ATAD2B: variants seen among roughly 807,000 people sequenced by gnomAD.
ATAD2B encodes ATPase family AAA domain-containing protein 2B.
In ATAD2B, 40 loss-of-function variants were observed where a neutral mutation model predicts 167.6. The ratio of observed to expected loss-of-function variants is 0.24; its 90% confidence interval spans 0.19 to 0.31. ATAD2B has a LOEUF of 0.31. Ranked by LOEUF, ATAD2B falls within the 10% of genes least tolerant of loss-of-function variation. The pLI, the probability that ATAD2B is intolerant of heterozygous loss-of-function variation, is 1.00. For missense variants in ATAD2B, 1,242 were observed against 1,757.2 expected (o/e 0.71, Z 5.24); for synonymous variants, 579 against 596.5 (o/e 0.97, Z 0.43).
At chr2:23,748,206 G>C (rs912289063), downstream of ATAD2B, among the ~76,000 whole-genome samples, 2 of 152,114 alleles carry the variant, frequency 1.3e-5, no homozygotes, top group Non-Finnish European at 2.9e-5. Context: ...AGGAAAAATA[G>C]GTATTCTGAA....
chr2:23,680,038 C>T, the ATAD2B span, among the ~76,000 whole-genome samples: 1 of 152,138 alleles, frequency 6.6e-6, no homozygotes, highest in East Asian at 1.9e-4. This position sits in a 1 kb window ranked among gnomAD's most constrained non-coding sequence, Gnocchi z 4.1. Flanking sequence ...GCCCCTTCAG[C>T]CCCGAAGGAT....
At chr2:23,857,664 T>C (rs1159445588) in intron 12 of ATAD2B, among the ~76,000 whole-genome samples, 161 bp from the exon 13 acceptor site, 1 of 151,972 alleles carries the variant, frequency 6.6e-6, no homozygotes, top group East Asian at 1.9e-4. Context: ...CCAACAACCA[T>C]GTCTCCTCCA....
rs190955076 is a variant in ATAD2B at position 23,819,087 on chromosome 2, T to G, written c.2267+660A>C. ...TTCCAGATCATGGCAAATATTTCATTTCTGCCCATTTTAGTTTAAAGAAAA... is the reference window on the plus strand; with the variant it reads ...TTCCAGATCATGGCAAATATTTCATGTCTGCCCATTTTAGTTTAAAGAAAA... On this transcript the variant is annotated intron_variant, in intron 17 of 27. Coordinates refer to ENST00000238789, the MANE Select transcript of ATAD2B (RefSeq NM_017552.4). Among the ~76,000 whole-genome samples, 892 of 152,300 alleles carry G rather than the reference T, an allele frequency of 5.9e-3. 6 individuals carry two copies. The highest frequency in any genetic ancestry group is 7.4e-3 in the Non-Finnish European group (502 of 68,026).
At chr2:23,901,063 G>C (rs1171321062) in intron 1 of ATAD2B, 1 of 152,902 alleles carries the variant, frequency 6.5e-6, no homozygotes, top group Non-Finnish European at 1.5e-5. Flanking sequence ...TCACCGACTG[G>C]CTCAATATTA....
chr2:23,757,362 A>T, intron 25 of ATAD2B, 56 bp downstream of exon 25: 1 of 1,310,278 alleles, frequency 7.6e-7, no homozygotes, highest in Middle Eastern at 1.9e-4. Context: ...TAAAATACAC[A>T]ACGAATTAAC....
At chr2:23,684,303 C>A in the ATAD2B span, 1 of 918,698 alleles carries the variant, frequency 1.1e-6, no homozygotes, top group Non-Finnish European at 1.5e-6. The surrounding 1 kb of genome is among the most constrained non-coding windows in gnomAD (Gnocchi z 4.4). Flanking sequence ...TTTCCTATTT[C>A]TCTACTTCTT....
At chr2:23,832,169 G>T (rs1269429982) in intron 14 of ATAD2B, 1 of 460,530 alleles carries the variant, frequency 2.2e-6, no homozygotes. Flanking sequence ...TCTTCACTTG[G>T]CTACCAGAAC....
At chr2:23,839,545 G>A (rs374908290) in intron 13 of ATAD2B, among the ~76,000 whole-genome samples, 3 of 152,052 alleles carry the variant, frequency 2.0e-5, no homozygotes, top group South Asian at 2.1e-4. Context: ...AACATTAACT[G>A]ACTTCCCTCA....
downstream of ATAD2B, among the ~76,000 whole-genome samples, chr2:23,747,238 AACTT>A (rs1270410227): frequency 6.6e-6 from 1 of 152,006 alleles, no homozygotes; most frequent in Non-Finnish European, 1.5e-5. Flanking sequence ...TTTACATAGT[AACTT>A]ACTATGTAAT....
At chr2:23,801,591 A>G (rs1423895866) in intron 18 of ATAD2B, among the ~76,000 whole-genome samples, 1 of 152,112 alleles carries the variant, frequency 6.6e-6, no homozygotes, top group Non-Finnish European at 1.5e-5. Context: ...CACAAGTAAA[A>G]TGAACAAATA....
chr2:23,807,938 TATAA>T (rs1177679257), intron 18 of ATAD2B, among the ~76,000 whole-genome samples: 8 of 127,356 alleles, frequency 6.3e-5, no homozygotes, highest in Non-Finnish European at 1.1e-4. Context: ...TTATAATATA[TATAA>T]ATATATAAAT....
chr2:23,796,329 C>G (rs1335975057), intron 19 of ATAD2B, among the ~76,000 whole-genome samples: 1 of 152,088 alleles, frequency 6.6e-6, no homozygotes, highest in Non-Finnish European at 1.5e-5. Flanking sequence ...TAAATAAATA[C>G]TGAAAAAGGT....
intron 25 of ATAD2B, among the ~76,000 whole-genome samples, chr2:23,755,424 A>G (rs1049203068): frequency 2.6e-5 from 4 of 152,162 alleles, no homozygotes; most frequent in African/African-American, 9.6e-5. Flanking sequence ...CACTAAACAA[A>G]CAGAAATTTT....
At chr2:23,923,973 G>C (rs1351305369) in intron 1 of ATAD2B, among the ~76,000 whole-genome samples, 1 of 152,182 alleles carries the variant, frequency 6.6e-6, no homozygotes, top group African/African-American at 2.4e-5. Context: ...ACGAGGTCAG[G>C]AGATCGACAC....
chr2:23,681,084 C>A, the ATAD2B span, among the ~76,000 whole-genome samples: 1 of 152,192 alleles, frequency 6.6e-6, no homozygotes, highest in Admixed American at 6.5e-5. This position sits in a 1 kb window ranked among gnomAD's most constrained non-coding sequence, Gnocchi z 4.2. Context: ...CTGGTGTCCC[C>A]TTGTGGATTC....
chr2:23,753,177 G>A (rs1285484884), intron 27 of ATAD2B, among the ~76,000 whole-genome samples: 4 of 151,988 alleles, frequency 2.6e-5, no homozygotes, highest in Non-Finnish European at 4.4e-5. Context: ...ATCATCATCC[G>A]ATCAACAAGT....
At chr2:23,823,125 G>T in intron 16 of ATAD2B, 133 bp downstream of exon 16, 1 of 783,464 alleles carries the variant, frequency 1.3e-6, no homozygotes, top group Non-Finnish European at 2.0e-6. Flanking sequence ...CAATATGCCA[G>T]GCCTGGAATA....
At chr2:23,773,085 A>G (rs1678580668) in intron 22 of ATAD2B, among the ~76,000 whole-genome samples, 2 of 152,162 alleles carry the variant, frequency 1.3e-5, no homozygotes, top group East Asian at 1.9e-4. Context: ...ATTCTTTTCA[A>G]TCATTGTTTA....
At chr2:23,767,618 G>A (rs1176890783) in intron 22 of ATAD2B, among the ~76,000 whole-genome samples, 2 of 152,334 alleles carry the variant, frequency 1.3e-5, no homozygotes, top group East Asian at 3.9e-4. Flanking sequence ...AAGATCTGCT[G>A]TGGTTGTTTT....
Sources: gnomAD v4.1 joint callset for allele counts (sites outside exome capture counted in the v4.1 genomes callset) on GRCh38, gnomAD v4.1.1 for gene constraint, Gnocchi (gnomAD v3.1) non-coding constraint, MANE v1.5 for transcripts, NCBI Gene and HGNC (gene_info 2026-07-23, HGNC 2026-07-21) for gene names.